Variants in MYH11 observed in about 807,000 individuals in gnomAD.
MYH11 encodes the protein myosin heavy chain 11.
Under a neutral mutation model 246.6 loss-of-function variants are expected in MYH11, and 80 were observed. The ratio of observed to expected loss-of-function variants is 0.32; its 90% confidence interval spans 0.27 to 0.39. MYH11 has a LOEUF of 0.39. Among genes scored for constraint, MYH11 ranks in the 10% least tolerant of loss-of-function variants. The probability of loss-of-function intolerance (pLI) is 1.00; values close to 1 mark genes in which losing one functional copy is unlikely to be tolerated. For synonymous variants in MYH11, 1,071 were observed against 1,015.5 expected, an observed-to-expected ratio of 1.05 and a Z score of -1.04; for missense variants, 2,158 against 2,546.8, an observed-to-expected ratio of 0.85 and a Z score of 3.29.
At chr16:15,715,860 T>C (rs569669835) in intron 38 of MYH11, among the ~76,000 whole-genome samples, 56 of 152,106 alleles carry the variant, frequency 3.7e-4, no homozygotes, top group Admixed American at 2.2e-3. Context: ...GCGTGGTGGC[T>C]CATGCCTGTA....
intron 12 of MYH11, among the ~76,000 whole-genome samples, chr16:15,758,987 CA>C (rs371669842): frequency 3.4e-4 from 49 of 143,118 alleles, no homozygotes; most frequent in African/African-American, 1.0e-3. Flanking sequence ...CAAGACAAGA[CA>C]AAAAAAAAAC....
intron 5 of MYH11, chr16:15,784,965 C>T (rs568986215): frequency 6.5e-6 from 3 of 461,200 alleles, no homozygotes; most frequent in South Asian, 6.8e-5. Context: ...TCCCAAGTAG[C>T]TAAGACTACA....
At chr16:15,784,397 G>T (rs1035805731) in intron 5 of MYH11, among the ~76,000 whole-genome samples, 1 of 152,138 alleles carries the variant, frequency 6.6e-6, no homozygotes, top group Admixed American at 6.5e-5. Context: ...ACCAGGAGCG[G>T]ATGCTTTGAA....
intron 3 of MYH11, among the ~76,000 whole-genome samples, chr16:15,812,923 T>C (rs1318630198): frequency 4.6e-5 from 7 of 151,846 alleles, no homozygotes; most frequent in Non-Finnish European, 1.0e-4. Context: ...TCCCAGCACT[T>C]TGGAAGGCCA....
chr16:15,824,411 G>A (rs528416212), intron 2 of MYH11, among the ~76,000 whole-genome samples: 2 of 152,054 alleles, frequency 1.3e-5, no homozygotes, highest in Admixed American at 1.3e-4. Flanking sequence ...CCAAGTAGGT[G>A]GTACCACAGG....
At position 15,719,762 on chromosome 16, in the gene MYH11, A is replaced by G. The variant is rs571455140; in HGVS notation, c.4954-49T>C. Reference sequence around the variant, plus strand: ...AAGCTCAGATGTCCTTACTCCCCCAAGTTCTGCTGCCCAGTTCAGCTTTGC... The same window carrying G: ...AAGCTCAGATGTCCTTACTCCCCCAGGTTCTGCTGCCCAGTTCAGCTTTGC... On this transcript the variant is annotated intron_variant, in intron 34 of 40. Transcript: ENST00000300036. The G allele has an allele frequency of 2.5e-6, 4 of 1,612,882 alleles. No homozygotes were observed. The South Asian group carries it at 3.3e-5, about 13-fold the overall frequency.
Position 15,721,617 on chromosome 16 carries a change from T to C in MYH11, c.4383A>G (p.Lys1461=), listed in dbSNP as rs1457638897. 1 of 1,614,064 alleles carries C rather than the reference T, an allele frequency of 6.2e-7. No homozygotes were observed. The highest frequency in any genetic ancestry group is 8.5e-7 in the Non-Finnish European group (1 of 1,180,046). ...RKFDQLLAEE[K]NISSKYADER... is the part of the protein sequence containing the mutation. ...CATCCGCGTATTTGGAAGAGATGTT[T>C]TTCTCCTCGGCTAACAACTACAACA... is the stretch of plus-strand genomic sequence containing the variant. The change falls in exon 32 of 41, where the codon AAA becomes AAG. Residue 1461 remains lysine (K), a synonymous_variant. Coordinates refer to ENST00000300036, the MANE Select transcript of MYH11 (RefSeq NM_002474.3).
chr16:15,745,697 C>G (rs940533383), intron 19 of MYH11, among the ~76,000 whole-genome samples: 1 of 149,878 alleles, frequency 6.7e-6, no homozygotes, highest in Non-Finnish European at 1.5e-5. Flanking sequence ...AAGTGATTCT[C>G]CTGCTTCAGC....
intron 20 of MYH11, among the ~76,000 whole-genome samples, chr16:15,744,199 AT>A (rs541283455): frequency 1.3e-5 from 2 of 150,266 alleles, no homozygotes; most frequent in Non-Finnish European, 3.0e-5. Flanking sequence ...TATTTGTTTT[AT>A]TTTTTTTTGA....
intron 4 of MYH11, among the ~76,000 whole-genome samples, chr16:15,795,366 C>T (rs777870221): frequency 4.5e-4 from 69 of 151,988 alleles, no homozygotes; most frequent in Admixed American, 4.6e-4. Context: ...AATCCCAGCA[C>T]TTGGGAGGCC....
Position 15,717,291 on chromosome 16 carries a change from T to G in MYH11, c.5353A>C (p.Ser1785Arg). The G allele has an allele frequency of 5.0e-6, 8 of 1,613,320 alleles. No individual in the cohort carries two copies. The highest frequency in any genetic ancestry group is 1.3e-5 in the African/African-American group (1 of 75,048). Residue 1785 changes from serine to arginine, a missense_variant, in exon 38 of 41, where the codon AGT becomes CGT. Physicochemically the swap from Ser to Arg is moderately radical, Grantham distance 110. Coordinates refer to ENST00000300036, the MANE Select transcript of MYH11 (RefSeq NM_002474.3). ...TERSTAQKNE[S>R]ARQQLERQNK... ...TGCCGCTCGAGCTGCTGCCGGGCAC[T>G]CTCATTCTTCTGGGCCGTGCTGCGC...
At chr16:15,764,321 T>C (rs776104220) in intron 9 of MYH11, among the ~76,000 whole-genome samples, 7 of 152,114 alleles carry the variant, frequency 4.6e-5, no homozygotes, top group Non-Finnish European at 8.8e-5. Flanking sequence ...ACAGTGAGAA[T>C]GAATGAGCTA....
intron 3 of MYH11, among the ~76,000 whole-genome samples, chr16:15,800,845 G>A (rs2042868292): frequency 6.6e-6 from 1 of 152,052 alleles, no homozygotes; most frequent in Admixed American, 6.6e-5. Flanking sequence ...AAATCCTCAA[G>A]ACAAAAGGCC....
At chr16:15,745,044 C>A in intron 20 of MYH11, 85 bp downstream of exon 20, 1 of 1,056,088 alleles carries the variant, frequency 9.5e-7, no homozygotes, top group Admixed American at 1.7e-5. Flanking sequence ...CACTTGCGAC[C>A]ACCTCCTGTC....
chr16:15,821,135 G>A (rs1044716122), intron 3 of MYH11, among the ~76,000 whole-genome samples: 1 of 152,208 alleles, frequency 6.6e-6, no homozygotes, highest in Non-Finnish European at 1.5e-5. Flanking sequence ...GCTTCCCAAA[G>A]TGCCAGGATT....
At chr16:15,833,386 A>AG in intron 2 of MYH11, among the ~76,000 whole-genome samples, 5 of 81,358 alleles carry the variant, frequency 6.1e-5, no homozygotes, top group Admixed American at 1.3e-4. Context: ...GGAGGGAGGG[A>AG]GGAAGGAAGG....
At chr16:15,855,171 G>C (rs1033344210) in intron 1 of MYH11, among the ~76,000 whole-genome samples, 3 of 152,114 alleles carry the variant, frequency 2.0e-5, no homozygotes, top group African/African-American at 7.2e-5. Context: ...AAAAAACATG[G>C]TGTTTACAAG....
At chr16:15,742,477 C>T (rs1263011971) in intron 20 of MYH11, among the ~76,000 whole-genome samples, 1 of 152,140 alleles carries the variant, frequency 6.6e-6, no homozygotes, top group Non-Finnish European at 1.5e-5. Context: ...AACAGTGATG[C>T]ATGCCTGTAA....
chr16:15,716,356 G>T (rs927639108), intron 38 of MYH11, among the ~76,000 whole-genome samples: 3 of 152,160 alleles, frequency 2.0e-5, no homozygotes, highest in Non-Finnish European at 2.9e-5. Flanking sequence ...TGCAGGGCGT[G>T]CGAATTACTG....
Sources: allele counts gnomAD v4.1 joint callset (sites outside exome capture counted in the v4.1 genomes callset), GRCh38; gene constraint gnomAD v4.1.1; transcripts MANE v1.5; gene names NCBI Gene and HGNC (gene_info 2026-07-23, HGNC 2026-07-21).